The following KDM3B variants were observed in gnomAD, a reference collection of about 807,000 sequenced individuals.
KDM3B encodes the protein lysine-specific demethylase 3B.
KDM3B carries 10 observed loss-of-function variants against 170.0 expected under a neutral mutation model. That is an observed-to-expected ratio of 0.06 (90% CI 0.04 to 0.10). The LOEUF (loss-of-function observed/expected upper bound fraction) is 0.10. Ranked by LOEUF, KDM3B falls within the 10% of genes least tolerant of loss-of-function variation. The pLI, the probability that KDM3B is intolerant of heterozygous loss-of-function variation, is 1.00. For synonymous variants in KDM3B, 831 were observed against 834.8 expected (o/e 1.00, Z 0.08); for missense variants, 1,394 against 2,195.2 (o/e 0.64, Z 7.29).
At chr5:138,399,420 C>T (rs1015188987) in intron 10 of KDM3B, among the ~76,000 whole-genome samples, 1 of 151,718 alleles carries the variant, frequency 6.6e-6, no homozygotes, top group Admixed American at 6.6e-5. Flanking sequence ...TGCCTGTAAT[C>T]CCAGCTACTC....
At chr5:138,396,652 C>T (rs959298593) in intron 9 of KDM3B, among the ~76,000 whole-genome samples, 9 of 151,472 alleles carry the variant, frequency 5.9e-5, no homozygotes, top group Non-Finnish European at 1.3e-4. Context: ...TCATGGAATA[C>T]GTGGGCCAAG....
At chr5:138,387,617 G>C (rs1384812835) in intron 7 of KDM3B, among the ~76,000 whole-genome samples, 1 of 152,194 alleles carries the variant, frequency 6.6e-6, no homozygotes, top group African/African-American at 2.4e-5. Context: ...AGTGTGCAGG[G>C]ATAGGGAGGG....
At chr5:138,425,638 A>G (rs1423982357) in intron 17 of KDM3B, 56 bp downstream of exon 17, 2 of 1,459,076 alleles carry the variant, frequency 1.4e-6, no homozygotes, top group Non-Finnish European at 1.9e-6. Context: ...AAGCATCTAT[A>G]CGCCCAGCTC....
chr5:138,387,852 C>T (rs534124832), intron 7 of KDM3B, among the ~76,000 whole-genome samples: 225 of 152,222 alleles, frequency 1.5e-3, no homozygotes, highest in South Asian at 3.5e-3. Context: ...GAGGCCAAGG[C>T]GGGCGGATCA....
chr5:138,399,736 C>A, intron 10 of KDM3B, 124 bp from the exon 11 acceptor site: 1 of 770,506 alleles, frequency 1.3e-6, no homozygotes, highest in Non-Finnish European at 2.0e-6. Flanking sequence ...TATAGAAACA[C>A]AGACTTTATG....
At chr5:138,364,455 C>G (rs535768092) in intron 1 of KDM3B, among the ~76,000 whole-genome samples, 32 of 152,108 alleles carry the variant, frequency 2.1e-4, no homozygotes, top group African/African-American at 7.5e-4. Flanking sequence ...TAGGCTTCAT[C>G]TATAATGCCA....
At chr5:138,378,781 T>C (rs1329616718) in intron 4 of KDM3B, among the ~76,000 whole-genome samples, 2 of 144,414 alleles carry the variant, frequency 1.4e-5, no homozygotes, top group Non-Finnish European at 3.1e-5. Context: ...GATACATATA[T>C]ATATAGATTA....
intron 11 of KDM3B, among the ~76,000 whole-genome samples, chr5:138,400,680 T>G (rs932283202): frequency 3.3e-5 from 5 of 151,778 alleles, no homozygotes; most frequent in Non-Finnish European, 7.4e-5. Context: ...AGCTCAGAGT[T>G]TGAGGTTATA....
intron 8 of KDM3B, among the ~76,000 whole-genome samples, chr5:138,392,627 A>G (rs1422225807): frequency 6.6e-6 from 1 of 152,180 alleles, no homozygotes; most frequent in Non-Finnish European, 1.5e-5. Flanking sequence ...ACTGGTATCC[A>G]TTCCCACATA....
At chr5:138,418,317 T>C (rs1763161101) in intron 13 of KDM3B, among the ~76,000 whole-genome samples, 2 of 152,094 alleles carry the variant, frequency 1.3e-5, no homozygotes, top group East Asian at 3.9e-4. Context: ...TGACATCAAG[T>C]GATCCACCCA....
Position 138,352,774 on chromosome 5 carries a change from G to A in KDM3B, c.-22G>A, listed in dbSNP as rs1761358905. ...GTGGTGGGAGGCGGCGGGCGGGAGC[G>A]CGGGTCAGGCCGGCCCCGGCGATGG... On this transcript the variant is annotated 5_prime_UTR_variant, in exon 1 of 24. Transcript: ENST00000314358. 1.6e-6 allele frequency: 2 copies of A among 1,216,220 alleles called. No homozygotes were observed. The highest frequency in any genetic ancestry group is 2.0e-6 in the Non-Finnish European group (2 of 980,718). 75.3% of individuals were successfully genotyped at this position (1,216,220 alleles called of 1,614,324 possible). A position where few individuals can be genotyped will look rare whatever the true frequency, so the allele number is the denominator to read the frequency against.
chr5:138,399,768 A>T (rs1762636317), intron 10 of KDM3B, 92 bp from the exon 11 acceptor site: 1 of 1,193,956 alleles, frequency 8.4e-7, no homozygotes, highest in African/African-American at 1.5e-5. Flanking sequence ...TTTATTGCTG[A>T]ACAAAATAGC....
intron 11 of KDM3B, among the ~76,000 whole-genome samples, chr5:138,405,378 A>G (rs1376332038): frequency 6.6e-6 from 1 of 152,130 alleles, no homozygotes; most frequent in Non-Finnish European, 1.5e-5. Flanking sequence ...ATGGTGACAC[A>G]TGCCTGTGGT....
At chr5:138,373,165 C>T (rs771735600) in intron 2 of KDM3B, among the ~76,000 whole-genome samples, 3 of 152,088 alleles carry the variant, frequency 2.0e-5, no homozygotes, top group Non-Finnish European at 4.4e-5. Context: ...CATGCCAAAA[C>T]CCCATCTCTA....
At chr5:138,380,016 A>G (rs1762087246) in intron 5 of KDM3B, among the ~76,000 whole-genome samples, 1 of 152,156 alleles carries the variant, frequency 6.6e-6, no homozygotes, top group Non-Finnish European at 1.5e-5. Flanking sequence ...GTAGTATTAT[A>G]TTCATAAAGG....
chr5:138,387,361 T>C (rs1029323691), intron 7 of KDM3B, among the ~76,000 whole-genome samples: 4 of 152,138 alleles, frequency 2.6e-5, no homozygotes, highest in African/African-American at 9.7e-5. Flanking sequence ...ATCTTTTTTT[T>C]CCCCAAACAG....
intron 20 of KDM3B, among the ~76,000 whole-genome samples, chr5:138,428,940 CTTTTTTT>C (rs397884825): frequency 4.3e-4 from 44 of 101,226 alleles, no homozygotes; most frequent in Admixed American, 5.5e-4. Flanking sequence ...GGGATAATTT[CTTTTTTT>C]TTTTTTTTTT....
At position 138,393,232 on chromosome 5, in the gene KDM3B, C is replaced by T. The variant is rs775844877; in HGVS notation, c.2691C>T (p.Pro897=). 4 of 1,614,208 alleles carry T rather than the reference C, an allele frequency of 2.5e-6. No homozygotes were observed. The South Asian group carries it at 3.3e-5, about 13-fold the overall frequency. The change falls in exon 9 of 24, where the codon CCC becomes CCT. Residue 897 remains proline, a synonymous_variant. Coordinates refer to ENST00000314358, the MANE Select transcript of KDM3B (RefSeq NM_016604.4). ...KVKKLKQSGE[P]FLQDGSCINV... Reference sequence around the variant, plus strand: ...AGAAGCTGAAGCAATCTGGAGAGCCCTTCCTGCAGGATGGGTCATGCATCA... The same window carrying T: ...AGAAGCTGAAGCAATCTGGAGAGCCTTTCCTGCAGGATGGGTCATGCATCA...
chr5:138,379,931 C>T (rs1401930290), intron 5 of KDM3B, among the ~76,000 whole-genome samples: 1 of 152,160 alleles, frequency 6.6e-6, no homozygotes, highest in Non-Finnish European at 1.5e-5. Context: ...CCTTACAACA[C>T]TGTTTTGGGT....
Sources: allele counts gnomAD v4.1 joint callset (sites outside exome capture counted in the v4.1 genomes callset), GRCh38; gene constraint gnomAD v4.1.1; transcripts MANE v1.5; gene names NCBI Gene and HGNC (gene_info 2026-07-23, HGNC 2026-07-21).